The following DPYD variants were observed in gnomAD, a reference collection of about 807,000 sequenced individuals.
The protein encoded by DPYD is dihydropyrimidine dehydrogenase [NADP(+)].
DPYD carries 109 observed loss-of-function variants against 116.2 expected under a neutral mutation model. The observed-to-expected ratio is 0.94, with a 90% CI of 0.80 to 1.10. The LOEUF (loss-of-function observed/expected upper bound fraction) is 1.10, where lower values mean the gene tolerates loss of function less well. Ranked by LOEUF, DPYD falls within the 50% of genes least tolerant of loss-of-function variation. The pLI, the probability that DPYD is intolerant of heterozygous loss-of-function variation, is 0.00. For synonymous variants in DPYD, 440 were observed against 432.0 expected, an observed-to-expected ratio of 1.02 and a Z score of -0.23; for missense variants, 1,302 against 1,254.5, an observed-to-expected ratio of 1.04 and a Z score of -0.57.
At chr1:97,377,057 C>G (rs186834068) in intron 15 of DPYD, among the ~76,000 whole-genome samples, 1 of 150,248 alleles carries the variant, frequency 6.7e-6, no homozygotes, top group Non-Finnish European at 1.5e-5. Flanking sequence ...GCTAGAACTC[C>G]AAAAAATATT....
intron 15 of DPYD, among the ~76,000 whole-genome samples, chr1:97,382,154 T>G (rs1247311758): frequency 6.6e-6 from 1 of 152,100 alleles, no homozygotes; most frequent in Admixed American, 6.6e-5. Flanking sequence ...GAATAAAGGA[T>G]TTTTAGGTAG....
intron 10 of DPYD, among the ~76,000 whole-genome samples, chr1:97,576,640 A>T (rs539429125): frequency 6.6e-6 from 1 of 152,308 alleles, no homozygotes; most frequent in East Asian, 1.9e-4. Flanking sequence ...CATGGTTTTG[A>T]TTTTTGAGGA....
intron 20 of DPYD, among the ~76,000 whole-genome samples, chr1:97,139,051 G>A (rs578194404): frequency 9.2e-4 from 140 of 152,180 alleles, no homozygotes; most frequent in African/African-American, 3.2e-3. Flanking sequence ...TGGTCCTTTC[G>A]AAAAAGAAGT....
chr1:97,134,001 A>C (rs1273413383), intron 20 of DPYD, among the ~76,000 whole-genome samples: 2 of 15,774 alleles, frequency 1.3e-4, no homozygotes, highest in South Asian at 5.7e-3. Flanking sequence ...TCTGTTTCAA[A>C]AAAAAAAAAA....
chr1:97,212,926 A>C (rs563508532), intron 19 of DPYD, among the ~76,000 whole-genome samples: 1 of 152,278 alleles, frequency 6.6e-6, no homozygotes, highest in African/African-American at 2.4e-5. Context: ...TGCTATAACA[A>C]AAATGCCATA....
At chr1:97,835,403 GATA>G (rs1206226002) in intron 2 of DPYD, among the ~76,000 whole-genome samples, 1 of 152,012 alleles carries the variant, frequency 6.6e-6, no homozygotes, top group Non-Finnish European at 1.5e-5. Context: ...ATTTTTAAAA[GATA>G]GAATGAATCT....
At chr1:97,757,663 C>T (rs1012331167) in intron 3 of DPYD, among the ~76,000 whole-genome samples, 15 of 152,044 alleles carry the variant, frequency 9.9e-5, no homozygotes, top group African/African-American at 3.4e-4. Flanking sequence ...AATATTTTTG[C>T]CTTGTTAAGA....
chr1:97,363,641 T>C (rs973343377), intron 16 of DPYD, among the ~76,000 whole-genome samples: 11 of 152,208 alleles, frequency 7.2e-5, no homozygotes, highest in Non-Finnish European at 1.6e-4. Context: ...GATGAGTTCA[T>C]GTCCTTTGCA....
At chr1:97,301,510 CTA>C (rs1222979328) in intron 18 of DPYD, among the ~76,000 whole-genome samples, 1 of 151,876 alleles carries the variant, frequency 6.6e-6, no homozygotes, top group African/African-American at 2.4e-5. Context: ...GCACTCTTTC[CTA>C]TATATGTGAA....
intron 3 of DPYD, among the ~76,000 whole-genome samples, chr1:97,774,153 C>CT (rs1425588526): frequency 6.6e-6 from 1 of 152,144 alleles, no homozygotes; most frequent in African/African-American, 2.4e-5. Context: ...GCCACACCAC[C>CT]GTTGCATGCC....
chr1:97,699,372 T>A lies in DPYD; in HGVS notation c.659A>T (p.Gln220Leu). The A allele has an allele frequency of 6.2e-7, 1 of 1,613,630 alleles. No individual in the cohort carries two copies. The highest frequency in any genetic ancestry group is 8.5e-7 in the Non-Finnish European group (1 of 1,179,618). Residue 220 changes from glutamine to leucine, a missense_variant, in exon 6 of 23, where the codon CAA becomes CTA. Coordinates refer to ENST00000370192, the MANE Select transcript of DPYD (RefSeq NM_000110.4). ...TTACCTTAAACCACCAACATATTCTTGTTTTTCAAATATAGTGATGTCAGA... is the reference window on the plus strand; with the variant it reads ...TTACCTTAAACCACCAACATATTCTAGTTTTTCAAATATAGTGATGTCAGA... ...GYSDITIFEK[Q>L]EYVGGLSTSE...
chr1:97,134,890 T>C (rs1301505682), intron 20 of DPYD, among the ~76,000 whole-genome samples: 1 of 152,178 alleles, frequency 6.6e-6, no homozygotes, highest in Admixed American at 6.6e-5. Context: ...TACCTCAGTG[T>C]TGGGAGTTTA....
chr1:97,845,509 C>A (rs1670249425), intron 2 of DPYD, among the ~76,000 whole-genome samples: 1 of 152,308 alleles, frequency 6.6e-6, no homozygotes, highest in East Asian at 1.9e-4. Flanking sequence ...AAGCTGCTAA[C>A]CACTATGGGT....
chr1:97,507,786 T>C (rs1647457797), intron 13 of DPYD, among the ~76,000 whole-genome samples: 1 of 151,996 alleles, frequency 6.6e-6, no homozygotes, highest in Admixed American at 6.6e-5. Context: ...TTCCTCTCAA[T>C]TAAGATAATG....
intron 18 of DPYD, among the ~76,000 whole-genome samples, chr1:97,246,418 T>A (rs1446917960): frequency 6.6e-6 from 1 of 152,030 alleles, no homozygotes; most frequent in Non-Finnish European, 1.5e-5. Context: ...AGCCAGGAAA[T>A]CTGAGGTGGT....
rs532549836 is a variant in DPYD at position 97,266,550 on chromosome 1, G to A, written c.2300-31556C>T. 1.1e-3 allele frequency among the ~76,000 whole-genome samples: 174 copies of A among 151,930 alleles called. 2 individuals carry two copies. The highest frequency in any genetic ancestry group is 1.8e-3 in the Non-Finnish European group (119 of 67,936). On this transcript the variant is annotated intron_variant, in intron 18 of 22. Transcript: ENST00000370192. ...ATTTCTTTTTTTATTATTATTATAC[G>A]TTAAGTTCTAGGGTACATGTGCACA... is the stretch of plus-strand genomic sequence containing the variant.
chr1:97,868,087 A>C (rs532727966), intron 2 of DPYD, among the ~76,000 whole-genome samples: 14 of 144,764 alleles, frequency 9.7e-5, no homozygotes, highest in African/African-American at 3.4e-4. Context: ...TAAACCACCC[A>C]AAAAAAAAAG....
intron 16 of DPYD, among the ~76,000 whole-genome samples, chr1:97,315,922 G>C (rs1316651024): frequency 1.3e-5 from 2 of 151,912 alleles, no homozygotes; most frequent in Non-Finnish European, 2.9e-5. Context: ...GACAATGATT[G>C]AGTGACCTCT....
At chr1:97,657,376 A>G (rs1053883280) in intron 8 of DPYD, among the ~76,000 whole-genome samples, 1 of 152,232 alleles carries the variant, frequency 6.6e-6, no homozygotes, top group African/African-American at 2.4e-5. Context: ...TAAAAATTAT[A>G]AAGAATATTA....
Sources: gnomAD v4.1 joint callset for allele counts (sites outside exome capture counted in the v4.1 genomes callset) on GRCh38, gnomAD v4.1.1 for gene constraint, MANE v1.5 for transcripts, NCBI Gene and HGNC (gene_info 2026-07-23, HGNC 2026-07-21) for gene names.